ESR1: variants seen among roughly 807,000 people sequenced by gnomAD.
The protein encoded by ESR1 is estrogen receptor 1.
In ESR1, 12 loss-of-function variants were observed where a neutral mutation model predicts 52.7. The observed-to-expected ratio is 0.23, with a 90% CI of 0.15 to 0.37. ESR1 has a LOEUF of 0.37. ESR1 is among the 10% of genes least tolerant of loss of function. The pLI is 1.00. For missense variants in ESR1, 584 were observed against 779.7 expected (o/e 0.75, Z 2.99); for synonymous variants, 305 against 316.8 (o/e 0.96, Z 0.39).
At chr6:151,662,263 G>A (rs777698404) in intron 1 of ESR1, among the ~76,000 whole-genome samples, 2 of 152,178 alleles carry the variant, frequency 1.3e-5, no homozygotes, top group South Asian at 4.1e-4. Flanking sequence ...TATCACAGAA[G>A]TCGAAGTTTC....
intron 5 of ESR1, among the ~76,000 whole-genome samples, chr6:152,019,284 C>A (rs919592875): frequency 1.3e-5 from 2 of 152,088 alleles, no homozygotes; most frequent in Non-Finnish European, 2.9e-5. Flanking sequence ...CAGGCACACA[C>A]GTACACACAC....
intron 3 of ESR1, among the ~76,000 whole-genome samples, chr6:151,924,107 G>T (rs558314266): frequency 1.3e-5 from 2 of 152,044 alleles, no homozygotes; most frequent in African/African-American, 2.4e-5. Flanking sequence ...GCAGTGGCAC[G>T]ATCTTCGCTC....
chr6:152,103,980 CTTTTT>C (rs369261779), downstream of ESR1, among the ~76,000 whole-genome samples: 6 of 93,884 alleles, frequency 6.4e-5, no homozygotes, highest in African/African-American at 8.4e-5. Context: ...TTCATTCTAC[CTTTTT>C]TTTTTTTTTT....
intron 2 of ESR1, among the ~76,000 whole-genome samples, chr6:151,746,448 T>C (rs1204397746): frequency 6.6e-6 from 1 of 152,216 alleles, no homozygotes; most frequent in East Asian, 1.9e-4. Flanking sequence ...TTGTGTTTTA[T>C]AACCAACCCT....
At chr6:151,685,569 G>A (rs1479859788), upstream of ESR1, among the ~76,000 whole-genome samples, 2 of 152,232 alleles carry the variant, frequency 1.3e-5, no homozygotes, top group East Asian at 3.8e-4. Flanking sequence ...TTCCTGCTGA[G>A]AAGTGTGTGC....
rs2152509562 is a variant in ESR1 at position 152,100,826 on chromosome 6, A to T, written c.*1860A>T. The T allele has an allele frequency of 4.4e-6, 1 of 228,398 alleles. No homozygotes were observed. The highest frequency in any genetic ancestry group is 6.3e-5 in the East Asian group (1 of 15,842). The allele number at this position is 228,398 out of a possible 1,614,324, so 14.1% of individuals were successfully genotyped here. On this transcript the variant is annotated 3_prime_UTR_variant, in exon 8 of 8. Coordinates refer to ENST00000206249, the MANE Select transcript of ESR1 (RefSeq NM_000125.4). ...CTTAAATTTGGGGACAATTTTATGT[A>T]TCTGTGTTAAGGATATGTTTAAGAA... is the stretch of plus-strand genomic sequence containing the variant.
At chr6:151,989,251 C>T (rs1217770420) in intron 4 of ESR1, among the ~76,000 whole-genome samples, 5 of 152,110 alleles carry the variant, frequency 3.3e-5, no homozygotes, top group African/African-American at 4.8e-5. Flanking sequence ...TTCTCTCTCT[C>T]TTGTAAGTAT....
At chr6:151,929,125 C>G (rs1340054994) in intron 3 of ESR1, among the ~76,000 whole-genome samples, 3 of 152,178 alleles carry the variant, frequency 2.0e-5, no homozygotes, top group African/African-American at 7.2e-5. Context: ...TTTCTGCCTG[C>G]TTGCACTAGC....
rs114377740 is a variant in ESR1 at position 151,665,816 on chromosome 6, A to G, written n.73+9053A>G. Reference sequence around the variant, plus strand: ...TATTTTCTCTTAGGAATATAGAGACATTATCTCAAATTATTACCTCGAAGA... The same window carrying G: ...TATTTTCTCTTAGGAATATAGAGACGTTATCTCAAATTATTACCTCGAAGA... On this transcript the variant is annotated intron_variant and non_coding_transcript_variant, in intron 1 of 2. Transcript: ENST00000473497. Among the ~76,000 whole-genome samples, 1,028 of 152,336 alleles carry G rather than the reference A, an allele frequency of 6.7e-3. 15 individuals are homozygous for G. The highest frequency in any genetic ancestry group is 0.024 in the African/African-American group (997 of 41,578).
chr6:151,788,504 G>C (rs1242105974), intron 2 of ESR1, among the ~76,000 whole-genome samples: 1 of 152,160 alleles, frequency 6.6e-6, no homozygotes, highest in East Asian at 1.9e-4. Context: ...AATGTTGGTG[G>C]GAGTGTAAAT....
intron 3 of ESR1, among the ~76,000 whole-genome samples, chr6:151,911,234 C>A (rs182774676): frequency 6.6e-6 from 1 of 152,050 alleles, no homozygotes; most frequent in Admixed American, 6.6e-5. Context: ...CTAATAGAGA[C>A]GTATAACTTA....
intron 5 of ESR1, among the ~76,000 whole-genome samples, chr6:152,040,590 C>T (rs1221657040): frequency 6.6e-6 from 1 of 152,210 alleles, no homozygotes; most frequent in Non-Finnish European, 1.5e-5. Context: ...CACATCTTGC[C>T]ATTTCTCCTT....
chr6:151,906,208 A>C (rs2128420821), intron 3 of ESR1, among the ~76,000 whole-genome samples: 1 of 152,300 alleles, frequency 6.6e-6, no homozygotes, highest in East Asian at 1.9e-4. Context: ...GAGAAGGATA[A>C]ATTCTAACAA....
intron 2 of ESR1, among the ~76,000 whole-genome samples, chr6:151,871,440 G>C (rs1045366854): frequency 2.0e-5 from 3 of 151,958 alleles, no homozygotes; most frequent in African/African-American, 7.2e-5. Context: ...TTTCACTCTA[G>C]TCGCCCAGGC....
chr6:151,925,332 C>T (rs113933864), intron 3 of ESR1, among the ~76,000 whole-genome samples: 1,554 of 152,194 alleles, frequency 0.01, 15 homozygotes, highest in Middle Eastern at 0.031. Flanking sequence ...TTGGGCTGGG[C>T]GCAGTGGCTC....
chr6:151,768,342 T>A (rs1195021286), intron 2 of ESR1, among the ~76,000 whole-genome samples: 1 of 152,082 alleles, frequency 6.6e-6, no homozygotes, highest in Non-Finnish European at 1.5e-5. Context: ...CATCACAAAA[T>A]CCCCAATTGA....
At chr6:152,048,703 G>A (rs750616439) in intron 5 of ESR1, among the ~76,000 whole-genome samples, 1 of 152,008 alleles carries the variant, frequency 6.6e-6, no homozygotes, top group South Asian at 2.1e-4. Context: ...TATGTCCCTC[G>A]TGCCTAACAT....
At chr6:152,059,202 T>C (rs923825943) in intron 5 of ESR1, among the ~76,000 whole-genome samples, 2 of 152,058 alleles carry the variant, frequency 1.3e-5, no homozygotes, top group Non-Finnish European at 2.9e-5. Flanking sequence ...AAAATTGTTA[T>C]AAAAATGAAT....
chr6:151,685,016 TA>T (rs931071948), intron 1 of ESR1, among the ~76,000 whole-genome samples: 3 of 150,698 alleles, frequency 2.0e-5, no homozygotes, highest in African/African-American at 7.3e-5. Context: ...CTCCTTTCAC[TA>T]AAATTCCGGA....
Sources: allele counts gnomAD v4.1 joint callset (sites outside exome capture counted in the v4.1 genomes callset), GRCh38; gene constraint gnomAD v4.1.1; transcripts MANE v1.5; gene names NCBI Gene and HGNC (gene_info 2026-07-23, HGNC 2026-07-21).